Variants in LY86 observed in about 807,000 individuals in gnomAD.
LY86 encodes the protein MD-1, RP105-associated.
LY86 carries 20 observed loss-of-function variants against 17.3 expected under a neutral mutation model. That is an observed-to-expected ratio of 1.15 (90% CI 0.81 to 1.68). The LOEUF (loss-of-function observed/expected upper bound fraction) is 1.68. LY86 is among the 40% of genes most tolerant of loss of function. The pLI is 0.00. For missense variants in LY86, 200 were observed against 191.9 expected, an observed-to-expected ratio of 1.04 and a Z score of -0.25; for synonymous variants, 74 against 70.6, an observed-to-expected ratio of 1.05 and a Z score of -0.24.
Position 6,618,667 on chromosome 6 carries a change from G to A in LY86, c.137-6259G>A, listed in dbSNP as rs116815818. Among the ~76,000 whole-genome samples, 238 of 152,272 alleles carry A rather than the reference G, an allele frequency of 1.6e-3. 2 individuals are homozygous for A. The highest frequency in any genetic ancestry group is 2.4e-3 in the Non-Finnish European group (165 of 68,022). ...CATGTTTAAGTATTTTGAACACACC[G>A]TTTACATATCTGAGATGAAACCGGA... On this transcript the variant is annotated intron_variant, in intron 1 of 4. Transcript: ENST00000230568.
chr6:6,605,368 C>T (rs1231948350), intron 1 of LY86, among the ~76,000 whole-genome samples: 1 of 152,216 alleles, frequency 6.6e-6, no homozygotes, highest in Non-Finnish European at 1.5e-5. Flanking sequence ...CTAGGCTTGG[C>T]TGGGGGAGCA....
At chr6:6,646,355 A>C (rs545937116) in intron 3 of LY86, among the ~76,000 whole-genome samples, 1 of 152,308 alleles carries the variant, frequency 6.6e-6, no homozygotes, top group African/African-American at 2.4e-5. Flanking sequence ...CTGGGGGATC[A>C]CAGGGGAGGC....
intron 1 of LY86, among the ~76,000 whole-genome samples, chr6:6,611,338 C>T (rs1350058673): frequency 1.3e-5 from 2 of 152,198 alleles, no homozygotes; most frequent in African/African-American, 4.8e-5. Context: ...AGGTTTTCAA[C>T]CTGCACACTT....
intron 1 of LY86, among the ~76,000 whole-genome samples, chr6:6,604,393 G>T (rs1282106901): frequency 6.6e-6 from 1 of 151,702 alleles, no homozygotes; most frequent in South Asian, 2.1e-4. Flanking sequence ...AATCAGGGAG[G>T]TTTGAAAATA....
intron 2 of LY86, among the ~76,000 whole-genome samples, chr6:6,625,993 G>C (rs1436179197): frequency 2.6e-5 from 4 of 152,178 alleles, no homozygotes; most frequent in Non-Finnish European, 5.9e-5. Flanking sequence ...CCAGAAGCCA[G>C]ACCTGCAGAC....
At chr6:6,618,929 G>A (rs888802074) in intron 1 of LY86, among the ~76,000 whole-genome samples, 2 of 152,206 alleles carry the variant, frequency 1.3e-5, no homozygotes, top group Non-Finnish European at 2.9e-5. Context: ...CCACAAAGGT[G>A]GGGAGGGAGT....
At chr6:6,625,457 G>C (rs1761769323) in intron 2 of LY86, among the ~76,000 whole-genome samples, 1 of 152,188 alleles carries the variant, frequency 6.6e-6, no homozygotes, top group Non-Finnish European at 1.5e-5. Flanking sequence ...ACATCGGCAA[G>C]GAGGAGATGT....
chr6:6,602,663 A>G (rs533190283), intron 1 of LY86, among the ~76,000 whole-genome samples: 2 of 152,306 alleles, frequency 1.3e-5, no homozygotes, highest in South Asian at 4.1e-4. Context: ...ACTGGGGTTC[A>G]GTCCTGGGGA....
intron 1 of LY86, chr6:6,620,849 C>G (rs1343055971): frequency 6.6e-6 from 1 of 152,282 alleles, no homozygotes; most frequent in African/African-American, 2.4e-5. Context: ...GAAAACTTTT[C>G]TAGAAGAGAT....
chr6:6,612,151 G>A (rs1581240485), intron 1 of LY86, among the ~76,000 whole-genome samples: 1 of 150,604 alleles, frequency 6.6e-6, no homozygotes, highest in South Asian at 2.1e-4. Context: ...ATTGATAGAT[G>A]TGTCCACAAT....
At chr6:6,629,639 T>C (rs1291949978) in intron 3 of LY86, among the ~76,000 whole-genome samples, 1 of 152,250 alleles carries the variant, frequency 6.6e-6, no homozygotes, top group Non-Finnish European at 1.5e-5. Context: ...AAACTGCATC[T>C]CGCTGGCTTT....
At chr6:6,594,405 TTTTA>T (rs760486076) in intron 1 of LY86, among the ~76,000 whole-genome samples, 18 of 152,232 alleles carry the variant, frequency 1.2e-4, no homozygotes, top group South Asian at 2.1e-4. Context: ...ATAAATACAG[TTTTA>T]TTTGACACAG....
chr6:6,612,209 TCA>T (rs1295864924), intron 1 of LY86, among the ~76,000 whole-genome samples: 2 of 152,188 alleles, frequency 1.3e-5, no homozygotes, highest in African/African-American at 4.8e-5. Context: ...CCACAGACCC[TCA>T]CAGTTAAGTT....
intron 1 of LY86, among the ~76,000 whole-genome samples, chr6:6,604,969 G>T (rs1362358844): frequency 1.3e-5 from 2 of 151,806 alleles, no homozygotes; most frequent in Non-Finnish European, 2.9e-5. Context: ...TCTATATACA[G>T]TATAGCTACA....
intron 3 of LY86, among the ~76,000 whole-genome samples, chr6:6,645,939 A>G (rs892563062): frequency 9.2e-5 from 14 of 152,146 alleles, no homozygotes; most frequent in African/African-American, 3.4e-4. Flanking sequence ...TCTTGCCAGA[A>G]CAGATTGGGA....
At chr6:6,610,184 T>C (rs1401472386) in intron 1 of LY86, among the ~76,000 whole-genome samples, 1 of 152,148 alleles carries the variant, frequency 6.6e-6, no homozygotes, top group Admixed American at 6.5e-5. Flanking sequence ...CTGAGTACAG[T>C]CTGTAGAGTA....
chr6:6,590,187 C>A (rs1015961853), intron 1 of LY86, among the ~76,000 whole-genome samples: 1 of 151,544 alleles, frequency 6.6e-6, no homozygotes, highest in Non-Finnish European at 1.5e-5. Flanking sequence ...ACCGTAGTCC[C>A]CCCCCAGTCT....
chr6:6,619,560 G>A lies in LY86; in HGVS notation c.137-5366G>A, dbSNP rs575577573. 6.6e-5 allele frequency among the ~76,000 whole-genome samples: 10 copies of A among 152,356 alleles called. No homozygotes were observed. The South Asian group carries it at 1.9e-3, about 28-fold the overall frequency. ...TTGCCAGTGCAGCTAAGCTGCCTGT[G>A]GCTGGTAAGGTCTCCTGGGCCCTCT... On this transcript the variant is annotated intron_variant, in intron 1 of 4. Coordinates refer to ENST00000230568, the MANE Select transcript of LY86 (RefSeq NM_004271.4).
chr6:6,613,607 C>A (rs1223433794), intron 1 of LY86, among the ~76,000 whole-genome samples: 1 of 152,236 alleles, frequency 6.6e-6, no homozygotes, highest in African/African-American at 2.4e-5. Context: ...GCGCGCCGCC[C>A]GGGTTCCCGC....
Sources: allele counts gnomAD v4.1 joint callset (sites outside exome capture counted in the v4.1 genomes callset), GRCh38; gene constraint gnomAD v4.1.1; transcripts MANE v1.5; gene names NCBI Gene and HGNC (gene_info 2026-07-23, HGNC 2026-07-21).